Variants in C1QB observed in about 807,000 individuals in gnomAD.
C1QB encodes the protein complement C1q subcomponent subunit B.
C1QB carries 2 observed loss-of-function variants against 4.6 expected under a neutral mutation model. The observed-to-expected ratio is 0.43, with a 90% CI of 0.18 to 1.36. The LOEUF (loss-of-function observed/expected upper bound fraction) is 1.36. C1QB is among the 40% of genes most tolerant of loss of function. The probability of loss-of-function intolerance (pLI) is 0.28; values close to 1 mark genes in which losing one functional copy is unlikely to be tolerated. For synonymous variants in C1QB, 132 were observed against 137.1 expected (o/e 0.96, Z 0.26); for missense variants, 292 against 338.0 (o/e 0.86, Z 1.07).
rs541816765 is a variant in C1QB at position 22,659,160 on chromosome 1, A to G, written c.-23-280A>G. 3.4e-5 allele frequency among the ~76,000 whole-genome samples: 5 copies of G among 147,862 alleles called. No homozygotes were observed. In the South Asian group the frequency reaches 8.7e-4, roughly 26 times the overall value. ...TGGATGAATGGATGGATGCAGATAGAGGGATAGAGAGATGGATGGATGGAT... is the reference window on the plus strand; with the variant it reads ...TGGATGAATGGATGGATGCAGATAGGGGGATAGAGAGATGGATGGATGGAT... On this transcript the variant is annotated intron_variant, in intron 1 of 2. Transcript: ENST00000509305.
chr1:22,660,532 G>T (rs1351855656), intron 2 of C1QB, among the ~76,000 whole-genome samples: 1 of 152,098 alleles, frequency 6.6e-6, no homozygotes, highest in Non-Finnish European at 1.5e-5. Context: ...GCTGAAGAAG[G>T]ACCCCCACAC....
At chr1:22,654,864 A>G (rs566401479) in intron 1 of C1QB, among the ~76,000 whole-genome samples, 1 of 152,282 alleles carries the variant, frequency 6.6e-6, no homozygotes, top group East Asian at 1.9e-4. Flanking sequence ...GCCTACCACT[A>G]CCCTTGGTGT....
chr1:22,657,764 A>G (rs1225451869), intron 1 of C1QB, among the ~76,000 whole-genome samples: 3 of 152,236 alleles, frequency 2.0e-5, no homozygotes, highest in Admixed American at 6.5e-5. Context: ...TCAGTTAAAA[A>G]TATATAGGCT....
intron 1 of C1QB, chr1:22,654,274 C>T (rs545920321): frequency 6.6e-6 from 1 of 152,240 alleles, no homozygotes; most frequent in East Asian, 1.9e-4. Flanking sequence ...GGCTGAAACT[C>T]GGTGGCTTTT....
At chr1:22,658,637 AC>A (rs1642563352) in intron 1 of C1QB, among the ~76,000 whole-genome samples, 2 of 152,210 alleles carry the variant, frequency 1.3e-5, no homozygotes. Flanking sequence ...AATCCCCAGC[AC>A]CTTGCACAGA....
At position 22,659,663 on chromosome 1, in the gene C1QB, G is replaced by A; in HGVS notation, c.181+20G>A. 1 of 1,600,030 alleles carries A rather than the reference G, an allele frequency of 6.2e-7. No homozygotes were observed. Among genetic ancestry groups the A allele is most frequent in the Non-Finnish European group, 8.5e-7 (1 of 1,172,940 alleles). On this transcript the variant is annotated intron_variant, in intron 2 of 2. Coordinates refer to ENST00000509305, the MANE Select transcript of C1QB (RefSeq NM_001378156.1). ...AGAAAGGTACCATGGGATTTAGCAG[G>A]ACACTGGTAATACTGACCAAATTTC...
chr1:22,660,711 G>A, intron 2 of C1QB, 101 bp from the exon 3 acceptor site: 1 of 1,197,126 alleles, frequency 8.4e-7, no homozygotes, highest in East Asian at 2.3e-5. Flanking sequence ...ACAGATGGGA[G>A]ACTGAGGCTC....
intron 1 of C1QB, among the ~76,000 whole-genome samples, chr1:22,658,104 T>C (rs915237258): frequency 6.6e-6 from 1 of 152,108 alleles, no homozygotes; most frequent in Non-Finnish European, 1.5e-5. Flanking sequence ...GGTGGCCCGT[T>C]CATAAGCAGC....
At chr1:22,658,488 C>A (rs1194113830) in intron 1 of C1QB, among the ~76,000 whole-genome samples, 2 of 152,224 alleles carry the variant, frequency 1.3e-5, no homozygotes, top group African/African-American at 4.8e-5. Flanking sequence ...CCTTCTCTTT[C>A]TTTCAGAGCA....
intron 1 of C1QB, among the ~76,000 whole-genome samples, chr1:22,657,116 A>G (rs1168273619): frequency 9.9e-5 from 15 of 151,986 alleles, no homozygotes; most frequent in Admixed American, 9.8e-4. Flanking sequence ...TAAGCCATTG[A>G]CCATTGGTAA....
Position 22,659,499 on chromosome 1 carries a change from T to C in C1QB, c.37T>C (p.Leu13=), listed in dbSNP as rs772289848. The C allele has an allele frequency of 3.0e-5, 49 of 1,614,038 alleles. No homozygotes were observed. In the South Asian group the frequency reaches 5.1e-4, roughly 17 times the overall value. The change falls in exon 2 of 3, where the codon TTG becomes CTG. Residue 13 remains leucine (L), a synonymous_variant. Coordinates refer to ENST00000509305, the MANE Select transcript of C1QB (RefSeq NM_001378156.1). ...ATGGGGCAGCATCCCAGTACTGATG[T>C]TGCTCCTGCTCCTGGGCCTAATCGA... ...IPWGSIPVLM[L]LLLLGLIDIS...
intron 1 of C1QB, among the ~76,000 whole-genome samples, chr1:22,656,877 C>T (rs867910733): frequency 2.0e-5 from 3 of 152,204 alleles, no homozygotes; most frequent in Middle Eastern, 3.4e-3. Context: ...GCTAGAGTGG[C>T]CCACAGAAGT....
chr1:22,656,845 C>T (rs920846262), intron 1 of C1QB, among the ~76,000 whole-genome samples: 6 of 152,102 alleles, frequency 3.9e-5, no homozygotes, highest in East Asian at 3.9e-4. Context: ...CTCACAACCC[C>T]CTGCTTGGGT....
intron 1 of C1QB, 26 bp from the exon 2 acceptor site, chr1:22,659,414 A>G: frequency 6.2e-7 from 1 of 1,606,364 alleles, no homozygotes; most frequent in Non-Finnish European, 8.5e-7. Flanking sequence ...CCACGGTGGT[A>G]ACCTCTCACA....
In C1QB at chr1:22,659,394, G is replaced by C. The variant is rs1403622799; in HGVS notation, c.-23-46G>C. ...TGGATGGATGGATGGATGGATGGAT[G>C]ATAGGATCACCACGGTGGTAACCTC... On this transcript the variant is annotated intron_variant, in intron 1 of 2. Transcript: ENST00000509305. The C allele has an allele frequency of 2.0e-6, 3 of 1,527,366 alleles. No homozygotes were observed. The African/African-American group carries it at 4.1e-5, about 21-fold the overall frequency. 94.6% of individuals were successfully genotyped at this position (1,527,366 alleles called of 1,614,324 possible). A position where few individuals can be genotyped will look rare whatever the true frequency, so the allele number is the denominator to read the frequency against.
intron 1 of C1QB, among the ~76,000 whole-genome samples, chr1:22,654,901 G>C (rs1321153576): frequency 3.3e-5 from 5 of 152,178 alleles, no homozygotes; most frequent in Middle Eastern, 3.2e-3. Flanking sequence ...CTTTTATCAG[G>C]CTGTCTGGCT....
At position 22,661,050 on chromosome 1, in the gene C1QB, C is replaced by T. The variant is rs781175718; in HGVS notation, c.420C>T (p.Phe140=). Reference sequence around the variant, plus strand: ...TGCGCCGGGACCAGACCATCCGCTTCGACCACGTGATCACCAACATGAACA... The same window carrying T: ...TGCGCCGGGACCAGACCATCCGCTTTGACCACGTGATCACCAACATGAACA... The part of the protein sequence containing the change: ...VPLRRDQTIR[F]DHVITNMNNN... Residue 140 remains phenylalanine (F), a synonymous_variant, in exon 3 of 3, where the codon TTC becomes TTT. Transcript: ENST00000509305. 18 of 1,613,944 alleles carry T rather than the reference C, an allele frequency of 1.1e-5. No homozygotes were observed. Among genetic ancestry groups the T allele is most frequent in the South Asian group, 2.2e-5 (2 of 91,066 alleles).
intron 1 of C1QB, 128 bp from the exon 2 acceptor site, chr1:22,659,312 G>GGATGGATGGATA: frequency 2.7e-6 from 2 of 729,980 alleles, no homozygotes; most frequent in Admixed American, 4.4e-5. Flanking sequence ...ATGGATGGAT[G>GGATGGATGGATA]GATGGATGGA....
intron 1 of C1QB, among the ~76,000 whole-genome samples, chr1:22,653,516 G>A (rs1451462834): frequency 1.3e-5 from 2 of 152,206 alleles, no homozygotes; most frequent in African/African-American, 4.8e-5. Flanking sequence ...CGGATGGGCA[G>A]GCCACCTAAA....
Sources: allele counts gnomAD v4.1 joint callset (sites outside exome capture counted in the v4.1 genomes callset), GRCh38; gene constraint gnomAD v4.1.1; transcripts MANE v1.5; gene names NCBI Gene and HGNC (gene_info 2026-07-23, HGNC 2026-07-21).